Variants in APMAP observed in about 807,000 individuals in gnomAD.
APMAP encodes the protein adipocyte plasma membrane associated protein.
In APMAP, 33 loss-of-function variants were observed where a neutral mutation model predicts 43.6. The observed-to-expected ratio is 0.76, with a 90% CI of 0.57 to 1.01. APMAP has a LOEUF of 1.01. Among genes scored for constraint, APMAP ranks in the 50% least tolerant of loss-of-function variants. The probability of loss-of-function intolerance (pLI) is 0.00; values close to 1 mark genes in which losing one functional copy is unlikely to be tolerated. For synonymous variants in APMAP, 224 were observed against 216.7 expected (o/e 1.03, Z -0.30); for missense variants, 498 against 540.7 (o/e 0.92, Z 0.78).
At position 24,983,970 on chromosome 20, in the gene APMAP, A is replaced by C; in HGVS notation, c.145T>G (p.Ser49Ala). 1 of 1,614,014 alleles carries C rather than the reference A, an allele frequency of 6.2e-7. No individual in the cohort carries two copies. Residue 49 changes from serine (S) to alanine (A), a missense_variant, in exon 2 of 9, where the codon TCT becomes GCT. Physicochemically the swap from Ser to Ala is moderately conservative, Grantham distance 99. Transcript: ENST00000217456. Reference sequence around the variant, plus strand: ...GCTCCAAGCAGGGGAACGGTGAGAGAAACAGCCAGCATCAAGAAGGTCACT... The same window carrying C: ...GCTCCAAGCAGGGGAACGGTGAGAGCAACAGCCAGCATCAAGAAGGTCACT... ...FRVTFLMLAV[S>A]LTVPLLGAMM...
Position 24,970,214 on chromosome 20 carries a change from C to T in APMAP, c.696G>A (p.Glu232=). 6.2e-7 allele frequency: 1 copy of T among 1,614,202 alleles called. No individual in the cohort carries two copies. The highest frequency in any genetic ancestry group is 8.5e-7 in the Non-Finnish European group (1 of 1,180,036). Reference sequence around the variant, plus strand: ...GGCCTCACCGCCCGTCATCTGTGCCCTCCATCACCAGAAGCAGGTAGTCTC... The same window carrying T: ...GGCCTCACCGCCCGTCATCTGTGCCTTCCATCACCAGAAGCAGGTAGTCTC... ...QRRDYLLLVM[E]GTDDGRLLEY... The change falls in exon 6 of 9, where the codon GAG becomes GAA. Residue 232 remains glutamate, a synonymous_variant. Coordinates refer to ENST00000217456, the MANE Select transcript of APMAP (RefSeq NM_020531.3).
At chr20:24,972,888 G>A (rs2088017992) in intron 4 of APMAP, among the ~76,000 whole-genome samples, 1 of 152,054 alleles carries the variant, frequency 6.6e-6, no homozygotes, top group South Asian at 2.1e-4. Context: ...GCTCACTGCA[G>A]GGTGCTTACT....
Position 24,968,998 on chromosome 20 carries a change from C to G in APMAP, c.935G>C (p.Ser312Thr), listed in dbSNP as rs745691943. 2.2e-5 allele frequency: 35 copies of G among 1,613,880 alleles called. No homozygotes were observed. Among genetic ancestry groups the G allele is most frequent in the Non-Finnish European group, 3.0e-5 (35 of 1,179,984 alleles). Residue 312 changes from serine (S) to threonine (T), a missense_variant, in exon 8 of 9, where the codon AGC (serine) becomes ACC (threonine). Physicochemically the swap from Ser to Thr is moderately conservative, Grantham distance 58. Coordinates refer to ENST00000217456, the MANE Select transcript of APMAP (RefSeq NM_020531.3). Reference protein sequence around the residue: ...PGFPDNIRPSSSGGYWVGMST... With the variant: ...PGFPDNIRPSTSGGYWVGMST... ...CATGCCCACCCAGTACCCCCCAGAG[C>G]TGCTGGGCCGGATGTTGTCTGGAAA...
intron 1 of APMAP, among the ~76,000 whole-genome samples, chr20:24,989,483 G>A (rs1275605518): frequency 6.6e-6 from 1 of 152,126 alleles, no homozygotes; most frequent in African/African-American, 2.4e-5. Flanking sequence ...TTAGGGCCTT[G>A]GGTCCTGAAC....
Position 24,988,551 on chromosome 20 carries a change from A to G in APMAP, c.95+4043T>C, listed in dbSNP as rs550641968. 2.3e-3 allele frequency among the ~76,000 whole-genome samples: 357 copies of G among 152,316 alleles called. 1 individual carries two copies. The highest frequency in any genetic ancestry group is 8.4e-3 in the African/African-American group (350 of 41,552). Reference sequence around the variant, plus strand: ...CAGTAACACTCTCCTAAAGCTGGAGAAGAATTTAGAGGCCACTCAGTCTAC... The same window carrying G: ...CAGTAACACTCTCCTAAAGCTGGAGGAGAATTTAGAGGCCACTCAGTCTAC... On this transcript the variant is annotated intron_variant, in intron 1 of 8. Coordinates refer to ENST00000217456, the MANE Select transcript of APMAP (RefSeq NM_020531.3).
At chr20:24,985,881 T>C (rs190655186) in intron 1 of APMAP, among the ~76,000 whole-genome samples, 2 of 152,306 alleles carry the variant, frequency 1.3e-5, no homozygotes, top group Admixed American at 1.3e-4. Flanking sequence ...CGAACACTGC[T>C]GGCACTGCTG....
Position 24,978,639 on chromosome 20 carries a change from G to C in APMAP, c.328+128C>G. 1.6e-5 allele frequency: 11 copies of C among 708,442 alleles called. No individual in the cohort carries two copies. In the South Asian group the frequency reaches 2.0e-4, roughly 13 times the overall value. The allele number at this position is 708,442 out of a possible 1,614,324, so 43.9% of individuals were successfully genotyped here. ...TGTCTGAGGGCCAAGTCCCACGTCC[G>C]CAGCTAAGAAGGATGTGCAGGGCCC... On this transcript the variant is annotated intron_variant, in intron 3 of 8. Coordinates refer to ENST00000217456, the MANE Select transcript of APMAP (RefSeq NM_020531.3).
chr20:24,982,060 C>T (rs1229725191), intron 2 of APMAP, among the ~76,000 whole-genome samples: 1 of 152,244 alleles, frequency 6.6e-6, no homozygotes, highest in East Asian at 1.9e-4. Flanking sequence ...TTTGAGTGTG[C>T]CATGCCAAAA....
chr20:24,977,132 GA>G (rs1029781990), intron 3 of APMAP, among the ~76,000 whole-genome samples: 2 of 152,216 alleles, frequency 1.3e-5, no homozygotes, highest in African/African-American at 4.8e-5. Flanking sequence ...CAAACCCATA[GA>G]ATGTATAAAA....
chr20:24,979,585 C>T (rs749890845), intron 2 of APMAP, among the ~76,000 whole-genome samples: 3 of 152,268 alleles, frequency 2.0e-5, no homozygotes, highest in Admixed American at 6.5e-5. Context: ...CCATTGAACC[C>T]GTCTCCCCAT....
chr20:24,983,814 T>G, intron 2 of APMAP, 89 bp downstream of exon 2: 1 of 897,374 alleles, frequency 1.1e-6, no homozygotes, highest in Non-Finnish European at 1.7e-6. Flanking sequence ...CAGATCAGAT[T>G]GATTTAATCA....
chr20:24,987,777 T>C lies in APMAP; in HGVS notation c.96-3758A>G, dbSNP rs1039150816. The stretch of plus-strand genomic sequence containing the variant: ...TTATGGTATGTGAATTACATCTCAA[T>C]AAAGATGTTAAAAAAAAACAAAAAC... On this transcript the variant is annotated intron_variant, in intron 1 of 8. Transcript: ENST00000217456. Among the ~76,000 whole-genome samples, 102 of 151,924 alleles carry C rather than the reference T, an allele frequency of 6.7e-4. 2 individuals carry two copies. Among genetic ancestry groups the C allele is most frequent in the Non-Finnish European group, 1.3e-4 (9 of 68,006 alleles).
chr20:24,968,633 G>C (rs1232948717), intron 8 of APMAP, among the ~76,000 whole-genome samples: 1 of 151,828 alleles, frequency 6.6e-6, no homozygotes, highest in East Asian at 1.9e-4. Context: ...CAGGGAACCA[G>C]AGACTGACAG....
rs946543567 is a variant in APMAP, at chr20:24,992,673, C to G, written c.16G>C (p.Gly6Arg). 5.2e-6 allele frequency: 8 copies of G among 1,537,922 alleles called. No homozygotes were observed. The highest frequency in any genetic ancestry group is 7.0e-6 in the Non-Finnish European group (8 of 1,143,608). Residue 6 changes from glycine (G) to arginine (R), a missense_variant, in exon 1 of 9, where the codon GGG becomes CGG. Transcript: ENST00000217456. The stretch of plus-strand genomic sequence containing the variant: ...CGCAGGGGCCGGCGCTGTCGCAGCC[C>G]GTCCGCCTCGCTCATGGTACGGGCG... Reference protein sequence around the residue: MSEADGLRQRRPLRPQ... With the variant: MSEADRLRQRRPLRPQ...
chr20:24,984,118 T>A (rs2088128221), intron 1 of APMAP, 99 bp from the exon 2 acceptor site: 8 of 892,546 alleles, frequency 9.0e-6, no homozygotes, highest in Non-Finnish European at 1.4e-5. Flanking sequence ...GGGACGCTCA[T>A]CCAGTTTCCC....
rs1042736623 is a variant in APMAP at position 24,992,675 on chromosome 20, T to C, written c.14A>G (p.Asp5Gly). 2.6e-6 allele frequency: 4 copies of C among 1,534,628 alleles called. No homozygotes were observed. The highest frequency in any genetic ancestry group is 3.5e-6 in the Non-Finnish European group (4 of 1,141,770). MSEA[D>G]GLRQRRPLRP... ...CAGGGGCCGGCGCTGTCGCAGCCCG[T>C]CCGCCTCGCTCATGGTACGGGCGCC... Residue 5 changes from aspartate to glycine, a missense_variant, in exon 1 of 9, where the codon GAC (aspartate) becomes GGC (glycine). By Grantham distance (94) the Asp-to-Gly change is moderately conservative. Transcript: ENST00000217456.
In APMAP at chr20:24,978,744, C is replaced by CAG. The variant is rs1555845601; in HGVS notation, c.328+22_328+23insCT. 11 of 1,311,188 alleles carry CAG rather than the reference C, an allele frequency of 8.4e-6. No individual in the cohort carries two copies. In the East Asian group the frequency reaches 2.5e-4, roughly 30 times the overall value. The allele number at this position is 1,311,188 out of a possible 1,614,324, so 81.2% of individuals were successfully genotyped here. On this transcript the variant is annotated intron_variant, in intron 3 of 8. Coordinates refer to ENST00000217456, the MANE Select transcript of APMAP (RefSeq NM_020531.3). ...ACAACAGACAGCCTGGAAGGCTCCCCCCCCACCCAAGCTTAGACTTACCCC... is the reference window on the plus strand; with the variant it reads ...ACAACAGACAGCCTGGAAGGCTCCCCAGCCCCACCCAAGCTTAGACTTACCCC...
chr20:24,980,261 C>T (rs1195140458), intron 2 of APMAP, among the ~76,000 whole-genome samples: 1 of 152,232 alleles, frequency 6.6e-6, no homozygotes, highest in Non-Finnish European at 1.5e-5. Context: ...TCCAGCAAGG[C>T]AGAGAATTCA....
rs1600282545 is a variant in APMAP, at chr20:24,971,718, T to A, written c.422-142A>T. On this transcript the variant is annotated intron_variant, in intron 4 of 8. Transcript: ENST00000217456. Reference sequence around the variant, plus strand: ...AAGACCATGGCATTAGAGCTACAACTGCCCTGCAGGTGCTCACTGCAGGTG... The same window carrying A: ...AAGACCATGGCATTAGAGCTACAACAGCCCTGCAGGTGCTCACTGCAGGTG... 3 of 750,968 alleles carry A rather than the reference T, an allele frequency of 4.0e-6. No individual in the cohort carries two copies. The South Asian group carries it at 5.0e-5, about 12-fold the overall frequency. The allele number at this position is 750,968 out of a possible 1,614,324, so 46.5% of individuals were successfully genotyped here. A position where few individuals can be genotyped will look rare whatever the true frequency, so the allele number is the denominator to read the frequency against.
Sources: allele counts gnomAD v4.1 joint callset (sites outside exome capture counted in the v4.1 genomes callset), GRCh38; gene constraint gnomAD v4.1.1; transcripts MANE v1.5; gene names NCBI Gene and HGNC (gene_info 2026-07-23, HGNC 2026-07-21).